PRPH2: variants seen among roughly 807,000 people sequenced by gnomAD.
PRPH2 encodes the protein peripherin 2, also known as peripherin-2.
PRPH2 carries 17 observed loss-of-function variants against 31.3 expected under a neutral mutation model. The ratio of observed to expected loss-of-function variants is 0.54; its 90% CI spans 0.37 to 0.81. PRPH2 has a LOEUF of 0.81. PRPH2 is among the 40% of genes least tolerant of loss of function. The pLI is 0.00. For missense variants in PRPH2, 430 were observed against 439.7 expected, an observed-to-expected ratio of 0.98 and a Z score of 0.20; for synonymous variants, 165 against 184.4, an observed-to-expected ratio of 0.89 and a Z score of 0.85.
intron 1 of PRPH2, among the ~76,000 whole-genome samples, chr6:42,705,599 A>AAAAAAAAAATATATAT (rs1562424252): frequency 2.3e-4 from 5 of 21,564 alleles, no homozygotes; most frequent in South Asian, 1.6e-3. Flanking sequence ...AAAAAAAAAA[A>AAAAAAAAAATATATAT]ATATATATAT....
rs1488651456 is a variant in PRPH2, at chr6:42,697,200, C to A, written c.*1095G>T. On this transcript the variant is annotated 3_prime_UTR_variant, in exon 3 of 3. Transcript: ENST00000230381. ...CTCTTTCCTAAAGAAAGTGAAAACT[C>A]CTGTATTTGCTAGCTCAGGAAGATG... 6.6e-6 allele frequency: 1 copy of A among 152,172 alleles called. No individual in the cohort carries two copies. Among genetic ancestry groups the A allele is most frequent in the South Asian group, 2.1e-4 (1 of 4,822 alleles). The allele number at this position is 152,172 out of a possible 1,614,324, so 9.4% of individuals were successfully genotyped here. A position where few individuals can be genotyped will look rare whatever the true frequency, so the allele number is the denominator to read the frequency against.
At chr6:42,716,962 C>CTTTTTTTTTTTTTTTTTTTTTTTTT (rs1161769235) in intron 1 of PRPH2, among the ~76,000 whole-genome samples, 1 of 45,188 alleles carries the variant, frequency 2.2e-5, no homozygotes, top group Non-Finnish European at 3.8e-5. Context: ...TCTTTCTTTT[C>CTTTTTTTTTTTTTTTTTTTTTTTTT]TTTTTTTTTT....
At chr6:42,704,071 G>A (rs1800098959) in intron 2 of PRPH2, among the ~76,000 whole-genome samples, 1 of 140,494 alleles carries the variant, frequency 7.1e-6, no homozygotes, top group Non-Finnish European at 1.6e-5. Context: ...CTGCACTCCA[G>A]CCTGGGCAAC....
intron 2 of PRPH2, among the ~76,000 whole-genome samples, chr6:42,703,333 G>A (rs1372538639): frequency 2.6e-5 from 4 of 152,206 alleles, no homozygotes; most frequent in African/African-American, 4.8e-5. Flanking sequence ...GAAACTGAGC[G>A]TTGCAGATAA....
chr6:42,699,962 CT>C (rs70990126), intron 2 of PRPH2, among the ~76,000 whole-genome samples: 102 of 137,854 alleles, frequency 7.4e-4, no homozygotes, highest in African/African-American at 2.0e-3. Flanking sequence ...ATTGTTTTCA[CT>C]TTTTTTTTTT....
chr6:42,703,545 G>A (rs941331147), intron 2 of PRPH2, among the ~76,000 whole-genome samples: 5 of 152,182 alleles, frequency 3.3e-5, no homozygotes, highest in Non-Finnish European at 5.9e-5. Context: ...TGGGGACACA[G>A]GATGAACCTC....
intron 1 of PRPH2, among the ~76,000 whole-genome samples, chr6:42,713,827 G>T (rs1761723182): frequency 6.8e-6 from 1 of 147,874 alleles, no homozygotes; most frequent in Admixed American, 7.0e-5. Context: ...GGCTGAGGCA[G>T]GAGAATCGCT....
Position 42,721,792 on chromosome 6 carries a change from G to A in PRPH2, c.543C>T (p.Ser181=). ...TGGAGGAAAAGTCCAGGTAGCGATT[G>A]CTGATCCACTGAATCTCAAACCAGT... ...FRDWFEIQWI[S]NRYLDFSSKE... The change falls in exon 1 of 3, where the codon AGC becomes AGT. Residue 181 remains serine (S), a synonymous_variant. Coordinates refer to ENST00000230381, the MANE Select transcript of PRPH2 (RefSeq NM_000322.5). 1 of 1,614,178 alleles carries A rather than the reference G, an allele frequency of 6.2e-7. No homozygotes were observed. Among genetic ancestry groups the A allele is most frequent in the Non-Finnish European group, 8.5e-7 (1 of 1,180,034 alleles).
At chr6:42,705,599 A>AAAAAAAAAAAATATATATAT (rs1562424252) in intron 1 of PRPH2, among the ~76,000 whole-genome samples, 2 of 21,588 alleles carry the variant, frequency 9.3e-5, no homozygotes, top group African/African-American at 1.8e-4. Context: ...AAAAAAAAAA[A>AAAAAAAAAAAATATATATAT]ATATATATAT....
intron 1 of PRPH2, among the ~76,000 whole-genome samples, chr6:42,710,834 A>G (rs1800264850): frequency 3.3e-5 from 5 of 152,248 alleles, no homozygotes; most frequent in Admixed American, 3.3e-4. Flanking sequence ...GAGCAGGGGT[A>G]TACCTGACAG....
chr6:42,721,603 A>G (rs1263295091), intron 1 of PRPH2, 151 bp downstream of exon 1: 2 of 945,268 alleles, frequency 2.1e-6, no homozygotes, highest in African/African-American at 1.6e-5. Context: ...ATATGGTTCC[A>G]CCTGATACAC....
At chr6:42,705,496 G>A (rs1040862729) in intron 1 of PRPH2, among the ~76,000 whole-genome samples, 20 of 147,628 alleles carry the variant, frequency 1.4e-4, no homozygotes, top group Middle Eastern at 3.6e-3. Flanking sequence ...GCCGAGGCGG[G>A]AGCCCAGGAG....
Position 42,721,855 on chromosome 6 carries a change from C to T in PRPH2, c.480G>A (p.Gln160=), listed in dbSNP as rs1460316434. Residue 160 remains glutamine, a synonymous_variant, in exon 1 of 3, where the codon CAG becomes CAA. Transcript: ENST00000230381. ...TGTTGCCGCAGCATTTGAACTCGAT[C>T]TGCAGCATGTCGATGGTCTTCTTCA... is the stretch of plus-strand genomic sequence containing the variant. ...CFMKKTIDML[Q]IEFKCCGNNG... is the part of the protein sequence containing the mutation. 3.7e-6 allele frequency: 6 copies of T among 1,614,238 alleles called. No homozygotes were observed. The highest frequency in any genetic ancestry group is 4.2e-6 in the Non-Finnish European group (5 of 1,180,050).
chr6:42,701,558 C>T (rs1296196332), intron 2 of PRPH2, among the ~76,000 whole-genome samples: 1 of 151,936 alleles, frequency 6.6e-6, no homozygotes, highest in African/African-American at 2.4e-5. Context: ...AGGTGTGAGC[C>T]ACCGCTCCTG....
At chr6:42,700,795 T>C (rs886390409) in intron 2 of PRPH2, among the ~76,000 whole-genome samples, 8 of 152,132 alleles carry the variant, frequency 5.3e-5, no homozygotes, top group Non-Finnish European at 1.2e-4. Flanking sequence ...ATCAGACTCC[T>C]AACATTATGC....
At chr6:42,717,404 T>C (rs950380051) in intron 1 of PRPH2, among the ~76,000 whole-genome samples, 2 of 151,390 alleles carry the variant, frequency 1.3e-5, no homozygotes, top group Non-Finnish European at 2.9e-5. Flanking sequence ...GGGCAACAAA[T>C]ACAAAAAGAA....
chr6:42,708,186 C>T (rs548418119), intron 1 of PRPH2, among the ~76,000 whole-genome samples: 1 of 152,178 alleles, frequency 6.6e-6, no homozygotes, highest in Non-Finnish European at 1.5e-5. Context: ...CATGGGAGAG[C>T]CCTCCCTGGG....
At chr6:42,706,646 T>TG (rs1248220045) in intron 1 of PRPH2, among the ~76,000 whole-genome samples, 1 of 152,040 alleles carries the variant, frequency 6.6e-6, no homozygotes, top group East Asian at 1.9e-4. Flanking sequence ...ATGCGTTACA[T>TG]AATAGACTTT....
chr6:42,706,834 G>T (rs567322191), intron 1 of PRPH2, among the ~76,000 whole-genome samples: 1 of 152,266 alleles, frequency 6.6e-6, no homozygotes, highest in South Asian at 2.1e-4. Flanking sequence ...GCTATGGCCA[G>T]TTCCACCAGA....
Sources: allele counts gnomAD v4.1 joint callset (sites outside exome capture counted in the v4.1 genomes callset), GRCh38; gene constraint gnomAD v4.1.1; transcripts MANE v1.5; gene names NCBI Gene and HGNC (gene_info 2026-07-23, HGNC 2026-07-21).